The following CCL24 variants were observed in gnomAD, a reference collection of about 807,000 sequenced individuals.
CCL24 encodes the protein C-C motif chemokine 24.
In CCL24, 6 loss-of-function variants were observed where a neutral mutation model predicts 8.6. The ratio of observed to expected loss-of-function variants is 0.70; its 90% CI spans 0.38 to 1.38. CCL24 has a LOEUF of 1.38. Ranked by LOEUF, CCL24 falls within the 40% of genes most tolerant of loss-of-function variation. The pLI is 0.02. For synonymous variants in CCL24, 59 were observed against 52.7 expected (o/e 1.12, Z -0.52); for missense variants, 126 against 147.1 (o/e 0.86, Z 0.74).
At chr7:75,817,920 C>G (rs1234988276), upstream of CCL24, among the ~76,000 whole-genome samples, 1 of 150,750 alleles carries the variant, frequency 6.6e-6, no homozygotes, top group African/African-American at 2.4e-5. Flanking sequence ...AACCTCCGCC[C>G]CCCAGGTTCA....
intron 1 of CCL24, among the ~76,000 whole-genome samples, chr7:75,819,122 G>C (rs1251369474): frequency 2.7e-5 from 4 of 147,862 alleles, no homozygotes; most frequent in Non-Finnish European, 4.5e-5. Context: ...TACAAAACCA[G>C]CTGGGCGTGG....
rs868958596 is a variant in CCL24, at chr7:75,811,148, A to T, written c.*648T>A. Among the ~76,000 whole-genome samples the T allele has an allele frequency of 2.9e-5, 3 of 102,812 alleles. No homozygotes were observed. The highest frequency in any genetic ancestry group is 3.8e-4 in the South Asian group (1 of 2,610). The allele number at this position is 102,812 out of a possible 152,430, so 67.4% of individuals were successfully genotyped here. A position where few individuals can be genotyped will look rare whatever the true frequency, so the allele number is the denominator to read the frequency against. ...CCAGTCCTCCACGTTCATTTCCTTTAAAAAAAAAAAAATTATGATTTTTTT... is the reference window on the plus strand; with the variant it reads ...CCAGTCCTCCACGTTCATTTCCTTTTAAAAAAAAAAAATTATGATTTTTTT... On this transcript the variant is annotated 3_prime_UTR_variant, in exon 3 of 3. Coordinates refer to ENST00000222902, the MANE Select transcript of CCL24 (RefSeq NM_002991.3).
upstream of CCL24, among the ~76,000 whole-genome samples, chr7:75,814,143 TC>T (rs1262203087): frequency 1.3e-5 from 2 of 152,282 alleles, no homozygotes; most frequent in East Asian, 3.9e-4. Flanking sequence ...GGCAGAGTCA[TC>T]CCTATCTTCT....
exon 1 of CCL24, chr7:75,823,331 A>C (rs1804087642): frequency 6.6e-6 from 1 of 152,348 alleles, no homozygotes; most frequent in Admixed American, 6.6e-5. Flanking sequence ...CCCGGAGGTA[A>C]CAGGGTGACA....
intron 1 of CCL24, among the ~76,000 whole-genome samples, chr7:75,820,045 T>TCTTCTC: frequency 7.2e-6 from 1 of 139,382 alleles, no homozygotes; most frequent in Non-Finnish European, 1.5e-5. Flanking sequence ...TTCTTCTTCT[T>TCTTCTC]CTTCTTCTTC....
At position 75,811,130 on chromosome 7, in the gene CCL24, T is replaced by C. The variant is rs1803746371; in HGVS notation, c.*666A>G. ...CCAGGCTGGCCCTTCACCCCAGTCC[T>C]CCACGTTCATTTCCTTTAAAAAAAA... On this transcript the variant is annotated 3_prime_UTR_variant, in exon 3 of 3. Coordinates refer to ENST00000222902, the MANE Select transcript of CCL24 (RefSeq NM_002991.3). Among the ~76,000 whole-genome samples the C allele has an allele frequency of 6.6e-6, 1 of 150,532 alleles. No homozygotes were observed.
upstream of CCL24, among the ~76,000 whole-genome samples, chr7:75,818,610 T>G (rs533788250): frequency 7.1e-6 from 1 of 141,748 alleles, no homozygotes; most frequent in East Asian, 2.0e-4. Context: ...ACCCGGACTC[T>G]TTAAAAAAAA....
At position 75,811,657 on chromosome 7, in the gene CCL24, A is replaced by T; in HGVS notation, c.*139T>A. 1 of 731,864 alleles carries T rather than the reference A, an allele frequency of 1.4e-6. No homozygotes were observed. The highest frequency in any genetic ancestry group is 2.1e-6 in the Non-Finnish European group (1 of 465,526). 45.3% of individuals were successfully genotyped at this position (731,864 alleles called of 1,614,324 possible). On this transcript the variant is annotated 3_prime_UTR_variant, in exon 3 of 3. Transcript: ENST00000222902. ...TCACCTGCTCCCTCGGGTTTTTCAT[A>T]GAAGAGACACATCCCTGGAGAGTGT... is the stretch of plus-strand genomic sequence containing the variant.
intron 1 of CCL24, among the ~76,000 whole-genome samples, chr7:75,820,680 C>T (rs991973963): frequency 7.5e-6 from 1 of 132,906 alleles, no homozygotes; most frequent in African/African-American, 2.8e-5. Flanking sequence ...ATCCATCCAT[C>T]CATCCACTTA....
At chr7:75,814,511 A>G (rs1260411905), upstream of CCL24, among the ~76,000 whole-genome samples, 7 of 152,114 alleles carry the variant, frequency 4.6e-5, no homozygotes, top group Non-Finnish European at 5.9e-5. Context: ...GGCTGCAGTG[A>G]GCTGTGATCA....
rs1803772532 is a variant in CCL24, at chr7:75,811,899, A to G, written c.257T>C (p.Met86Thr). The G allele has an allele frequency of 6.2e-7, 1 of 1,606,786 alleles. No individual in the cohort carries two copies. The highest frequency in any genetic ancestry group is 8.5e-7 in the Non-Finnish European group (1 of 1,178,992). ...CTTCTGCTTGGCGTCCAGGTTCTTC[A>G]TGTACCTCTGGACCCACTCCTGCTT... ...DPKQEWVQRY[M>T]KNLDAKQKKA... The change falls in exon 3 of 3, where the codon ATG becomes ACG. Residue 86 changes from methionine (M) to threonine (T), a missense_variant. Transcript: ENST00000222902.
upstream of CCL24, among the ~76,000 whole-genome samples, chr7:75,815,696 C>G (rs369395080): frequency 1.2e-4 from 18 of 152,122 alleles, no homozygotes; most frequent in East Asian, 2.5e-3. Flanking sequence ...CCACCTCACT[C>G]CACCCCCGAT....
upstream of CCL24, chr7:75,813,884 G>C (rs527463625): frequency 9.2e-6 from 5 of 542,814 alleles, no homozygotes; most frequent in East Asian, 1.6e-4. Context: ...ACGCTTCCTT[G>C]AAAATCCTGA....
upstream of CCL24, among the ~76,000 whole-genome samples, chr7:75,818,469 G>A (rs1803942165): frequency 6.6e-6 from 1 of 151,308 alleles, no homozygotes; most frequent in Admixed American, 6.6e-5. Flanking sequence ...AAAAAGAAAG[G>A]GAGTGGTTAG....
At chr7:75,817,637 G>A (rs1803920574), upstream of CCL24, among the ~76,000 whole-genome samples, 1 of 151,334 alleles carries the variant, frequency 6.6e-6, no homozygotes, top group South Asian at 2.1e-4. Context: ...TGAGTAGCTG[G>A]GATTATAGGC....
At chr7:75,819,411 G>C (rs1448138904) in intron 1 of CCL24, among the ~76,000 whole-genome samples, 1 of 142,478 alleles carries the variant, frequency 7.0e-6, no homozygotes, top group African/African-American at 2.6e-5. Flanking sequence ...GATTGCTTGA[G>C]CTCAGGTGTT....
chr7:75,821,587 T>A (rs1372664492), intron 1 of CCL24, among the ~76,000 whole-genome samples: 1 of 151,944 alleles, frequency 6.6e-6, no homozygotes, highest in Non-Finnish European at 1.5e-5. Flanking sequence ...GGGGTTCTGG[T>A]AGATGCCCGA....
At chr7:75,822,440 C>T (rs1038443810) in intron 1 of CCL24, among the ~76,000 whole-genome samples, 18 of 152,176 alleles carry the variant, frequency 1.2e-4, no homozygotes, top group Admixed American at 3.9e-4. Context: ...CTCCATGAAA[C>T]GCCACCAGAC....
At position 75,811,505 on chromosome 7, in the gene CCL24, C is replaced by T. The variant is rs1585026869; in HGVS notation, c.*291G>A. 6.6e-6 allele frequency among the ~76,000 whole-genome samples: 1 copy of T among 151,726 alleles called. No homozygotes were observed. Among genetic ancestry groups the T allele is most frequent in the African/African-American group, 2.4e-5 (1 of 41,342 alleles). ...GAAAAAAAAAAAAAAGAAAAAGCAT[C>T]AGAACCAGGTCAGGAGGAGAAGGCA... is the stretch of plus-strand genomic sequence containing the variant. On this transcript the variant is annotated 3_prime_UTR_variant, in exon 3 of 3. Coordinates refer to ENST00000222902, the MANE Select transcript of CCL24 (RefSeq NM_002991.3).
Sources: allele counts gnomAD v4.1 joint callset (sites outside exome capture counted in the v4.1 genomes callset), GRCh38; gene constraint gnomAD v4.1.1; transcripts MANE v1.5; gene names NCBI Gene and HGNC (gene_info 2026-07-23, HGNC 2026-07-21).